Variants in LINGO2 observed in about 807,000 individuals in gnomAD.
LINGO2 encodes leucine rich repeat and Ig domain containing 2, also known as leucine-rich repeat and immunoglobulin-like domain-containing nogo receptor-interacting protein 2.
A neutral mutation model predicts 30.6 loss-of-function variants in LINGO2; 14 were observed. That is an observed-to-expected ratio of 0.46 (90% CI 0.30 to 0.72). The LOEUF (loss-of-function observed/expected upper bound fraction) is 0.72, where lower values mean the gene tolerates loss of function less well. Ranked by LOEUF, LINGO2 falls within the 30% of genes least tolerant of loss-of-function variation. LINGO2 has a pLI of 0.07. For missense variants in LINGO2, 729 were observed against 751.7 expected (o/e 0.97, Z 0.35); for synonymous variants, 317 against 288.5 (o/e 1.10, Z -1.00).
chr9:28,713,752 G>A, the LINGO2 span, among the ~76,000 whole-genome samples: 3 of 152,200 alleles, frequency 2.0e-5, no homozygotes, highest in African/African-American at 4.8e-5. Flanking sequence ...CCACAATAAA[G>A]AAAGCTTAAC....
In LINGO2 at chr9:28,148,460, G is replaced by A. The variant is rs1827881444; in HGVS notation, c.-86-136055C>T. On this transcript the variant is annotated intron_variant, in intron 4 of 5. Transcript: ENST00000379992. The surrounding 1 kb of genome is among the most constrained non-coding windows in gnomAD (Gnocchi z 5.1). ...GGTGAGGGCAGAAGAGCCCAGAGAAGCAACGGAGGTGACAGACCAGGTAGA... is the reference window on the plus strand; with the variant it reads ...GGTGAGGGCAGAAGAGCCCAGAGAAACAACGGAGGTGACAGACCAGGTAGA... 2 of 1,410,662 alleles carry A rather than the reference G, an allele frequency of 1.4e-6. No homozygotes were observed. 87.4% of individuals were successfully genotyped at this position (1,410,662 alleles called of 1,614,324 possible).
At chr9:28,375,454 CAG>C (rs558925494) in intron 2 of LINGO2, among the ~76,000 whole-genome samples, 45 of 152,288 alleles carry the variant, frequency 3.0e-4, no homozygotes, top group Non-Finnish European at 7.4e-5. Context: ...TGAGGGCCTA[CAG>C]AGTGTCTGAA....
At chr9:28,763,790 A>AAGAG in the LINGO2 span, among the ~76,000 whole-genome samples, 45 of 150,206 alleles carry the variant, frequency 3.0e-4, no homozygotes, top group Non-Finnish European at 5.5e-4. Flanking sequence ...TAATTAGAGG[A>AAGAG]AGAGAGAGAG....
the LINGO2 span, among the ~76,000 whole-genome samples, chr9:29,055,938 G>GTATA: frequency 1.6e-4 from 16 of 99,884 alleles, no homozygotes; most frequent in South Asian, 8.9e-4. Context: ...GTATGTGTGT[G>GTATA]TGTATATATA....
the LINGO2 span, among the ~76,000 whole-genome samples, chr9:29,184,548 G>A: frequency 1.3e-5 from 2 of 152,100 alleles, no homozygotes; most frequent in Admixed American, 1.3e-4. Flanking sequence ...TGTCTCTCTA[G>A]AAGGGGGATA....
chr9:28,104,938 G>A (rs1586995059), intron 4 of LINGO2, among the ~76,000 whole-genome samples: 1 of 152,068 alleles, frequency 6.6e-6, no homozygotes, highest in South Asian at 2.1e-4. Flanking sequence ...TAACAAGAGA[G>A]TTTCACTGCT....
At chr9:28,263,483 C>A (rs1822637103) in intron 4 of LINGO2, among the ~76,000 whole-genome samples, 2 of 151,864 alleles carry the variant, frequency 1.3e-5, no homozygotes, top group Admixed American at 6.6e-5. Context: ...TGGAGACCAT[C>A]CTGGAATTCT....
rs1208548211 is a variant in LINGO2, at chr9:28,199,340, TCTTC to T, written c.-87+95864_-87+95867del. ...CGGGCTATCTTCTTCTTCTTCTTCTTCTTCTTTTTTTTTTTTTGAGACGGAGTCT... is the reference window on the plus strand; with the variant it reads ...CGGGCTATCTTCTTCTTCTTCTTCTTTTTTTTTTTTTTTGAGACGGAGTCT... On this transcript the variant is annotated intron_variant, in intron 4 of 5. Transcript: ENST00000379992. Among the ~76,000 whole-genome samples, 17 of 118,454 alleles carry T rather than the reference TCTTC, an allele frequency of 1.4e-4. 1 individual carries two copies. The highest frequency in any genetic ancestry group is 3.8e-4 in the African/African-American group (13 of 33,916). The allele number at this position is 118,454 out of a possible 152,430, so 77.7% of individuals were successfully genotyped here. A position where few individuals can be genotyped will look rare whatever the true frequency, so the allele number is the denominator to read the frequency against.
the LINGO2 span, among the ~76,000 whole-genome samples, chr9:29,180,459 G>T: frequency 4.0e-4 from 61 of 152,174 alleles, no homozygotes; most frequent in African/African-American, 1.3e-3. Context: ...TTAACAATGG[G>T]TCCAGAAACC....
intron 2 of LINGO2, among the ~76,000 whole-genome samples, chr9:28,465,534 C>A (rs1392690964): frequency 6.6e-6 from 1 of 152,178 alleles, no homozygotes; most frequent in Non-Finnish European, 1.5e-5. Flanking sequence ...CTTAGGGCCA[C>A]AAATTCAGGC....
At chr9:28,811,111 T>C in the LINGO2 span, among the ~76,000 whole-genome samples, 4 of 152,174 alleles carry the variant, frequency 2.6e-5, no homozygotes, top group Non-Finnish European at 5.9e-5. Flanking sequence ...TACTTCTGTA[T>C]CAGTCTTCCT....
chr9:28,851,477 A>G, the LINGO2 span, among the ~76,000 whole-genome samples: 1 of 152,002 alleles, frequency 6.6e-6, no homozygotes, highest in Non-Finnish European at 1.5e-5. Context: ...TCCCTATTTT[A>G]AGGTCAGCCC....
At chr9:28,797,359 T>TATATATATAGAGAGAG in the LINGO2 span, among the ~76,000 whole-genome samples, 23 of 34,212 alleles carry the variant, frequency 6.7e-4, no homozygotes, top group Non-Finnish European at 8.7e-4. Flanking sequence ...TATATATATA[T>TATATATATAGAGAGAG]AGAGAGAGAG....
intron 1 of LINGO2, among the ~76,000 whole-genome samples, chr9:28,659,161 C>A (rs1320273969): frequency 6.6e-6 from 1 of 152,080 alleles, no homozygotes; most frequent in Non-Finnish European, 1.5e-5. Context: ...CTGACACTAA[C>A]TTTTAGCTTC....
intron 5 of LINGO2, among the ~76,000 whole-genome samples, chr9:27,984,247 A>G (rs900487825): frequency 6.6e-5 from 10 of 152,004 alleles, no homozygotes; most frequent in African/African-American, 2.4e-4. Flanking sequence ...TGAGGGTAAC[A>G]GGTTTATGAG....
chr9:29,177,772 C>G, the LINGO2 span, among the ~76,000 whole-genome samples: 3 of 152,018 alleles, frequency 2.0e-5, no homozygotes, highest in Non-Finnish European at 4.4e-5. Flanking sequence ...AAGGGCCCTA[C>G]AAAGAACAGT....
intron 4 of LINGO2, among the ~76,000 whole-genome samples, chr9:28,248,232 G>A (rs1374618484): frequency 6.6e-6 from 1 of 152,106 alleles, no homozygotes; most frequent in Non-Finnish European, 1.5e-5. Flanking sequence ...ATGAAAGGAT[G>A]GAGGAAATGT....
chr9:28,314,540 C>T (rs1181729972), intron 3 of LINGO2, among the ~76,000 whole-genome samples: 1 of 152,092 alleles, frequency 6.6e-6, no homozygotes, highest in African/African-American at 2.4e-5. Context: ...AAACTGACGG[C>T]TAAAATATAA....
chr9:28,223,124 T>A (rs1821025186), intron 4 of LINGO2, among the ~76,000 whole-genome samples: 1 of 152,158 alleles, frequency 6.6e-6, no homozygotes, highest in Non-Finnish European at 1.5e-5. Flanking sequence ...TACTGAAGGA[T>A]CCTTAAAAGA....
Sources: allele counts gnomAD v4.1 joint callset (sites outside exome capture counted in the v4.1 genomes callset), GRCh38; gene constraint gnomAD v4.1.1; non-coding constraint Gnocchi (gnomAD v3.1); transcripts MANE v1.5; gene names NCBI Gene and HGNC (gene_info 2026-07-23, HGNC 2026-07-21).